Variants in BLOC1S2 observed in about 807,000 individuals in gnomAD.
BLOC1S2 encodes the protein biogenesis of lysosome-related organelles complex 1 subunit 2.
BLOC1S2 carries 12 observed loss-of-function variants against 19.6 expected under a neutral mutation model. That is an observed-to-expected ratio of 0.61 (90% CI 0.39 to 0.99). The LOEUF is 0.99. BLOC1S2 is among the 50% of genes least tolerant of loss of function. BLOC1S2 has a pLI of 0.00. For missense variants in BLOC1S2, 142 were observed against 171.0 expected (o/e 0.83, Z 0.95); for synonymous variants, 66 against 64.1 (o/e 1.03, Z -0.14).
chr10:100,283,843 C>T (rs888896714), intron 2 of BLOC1S2, among the ~76,000 whole-genome samples: 1 of 152,164 alleles, frequency 6.6e-6, no homozygotes, highest in Non-Finnish European at 1.5e-5. Context: ...CCACTGCATT[C>T]CAGCCTGGGC....
At chr10:100,276,887 C>CG (rs1428344096) in intron 4 of BLOC1S2, among the ~76,000 whole-genome samples, 1 of 148,452 alleles carries the variant, frequency 6.7e-6, no homozygotes, top group Non-Finnish European at 1.5e-5. Flanking sequence ...CTTGGCCCCC[C>CG]CAAAGTGCGG....
rs551242337 is a variant in BLOC1S2, at chr10:100,274,970, C to T, written c.*492G>A. On this transcript the variant is annotated 3_prime_UTR_variant, in exon 5 of 5. Coordinates refer to ENST00000370372, the MANE Select transcript of BLOC1S2 (RefSeq NM_173809.5). ...GCAATATTATGGAAAAGTAAGTTAC[C>T]GACATTCACAAGGTGATAAGCTGCA... The T allele has an allele frequency of 5.8e-5, 23 of 398,724 alleles. No homozygotes were observed. The highest frequency in any genetic ancestry group is 6.3e-4 in the Middle Eastern group (1 of 1,588). The allele number at this position is 398,724 out of a possible 1,614,324, so 24.7% of individuals were successfully genotyped here.
intron 4 of BLOC1S2, among the ~76,000 whole-genome samples, chr10:100,277,670 C>CCCCGCCCG: frequency 7.0e-6 from 1 of 142,794 alleles, no homozygotes. Context: ...GGCTCAGCCC[C>CCCCGCCCG]CCCGCCCGGC....
Position 100,284,376 on chromosome 10 carries a change from A to C in BLOC1S2, c.172+1721T>G, listed in dbSNP as rs115581795. Reference sequence around the variant, plus strand: ...AATAAACAAACAAATAATCAGGCTGATAACTTACAGAGTCACAGCTGGGTG... The same window carrying C: ...AATAAACAAACAAATAATCAGGCTGCTAACTTACAGAGTCACAGCTGGGTG... On this transcript the variant is annotated intron_variant, in intron 2 of 4. Coordinates refer to ENST00000370372, the MANE Select transcript of BLOC1S2 (RefSeq NM_173809.5). 3.6e-3 allele frequency among the ~76,000 whole-genome samples: 543 copies of C among 152,342 alleles called. 5 individuals are homozygous for C. Among genetic ancestry groups the C allele is most frequent in the African/African-American group, 0.012 (484 of 41,574 alleles).
chr10:100,280,905 C>T, intron 3 of BLOC1S2, 29 bp downstream of exon 3: 3 of 1,590,850 alleles, frequency 1.9e-6, no homozygotes, highest in Non-Finnish European at 2.6e-6. Context: ...TAAATACAAA[C>T]ATGTTTAATT....
At chr10:100,281,711 T>TACACACACACACACACACACACAC (rs71013439) in intron 2 of BLOC1S2, among the ~76,000 whole-genome samples, 10 of 132,572 alleles carry the variant, frequency 7.5e-5, no homozygotes, top group African/African-American at 2.9e-4. Context: ...TATATACACA[T>TACACACACACACACACACACACAC]ACACACACAC....
At chr10:100,286,547 C>T in intron 1 of BLOC1S2, 58 bp downstream of exon 1, 5 of 1,603,836 alleles carry the variant, frequency 3.1e-6, no homozygotes, top group Non-Finnish European at 4.3e-6. Context: ...ACCTCGCCCA[C>T]CCGAGACGGA....
At chr10:100,277,450 G>C (rs552651361) in intron 4 of BLOC1S2, among the ~76,000 whole-genome samples, 53 of 147,658 alleles carry the variant, frequency 3.6e-4, no homozygotes, top group Non-Finnish European at 6.9e-4. Flanking sequence ...CCGTCCGGGA[G>C]GGAGGTGGGG....
chr10:100,276,919 C>G (rs1051714801), intron 4 of BLOC1S2, among the ~76,000 whole-genome samples: 1 of 152,286 alleles, frequency 6.6e-6, no homozygotes, highest in East Asian at 1.9e-4. Flanking sequence ...TCTGCCTGGC[C>G]GCCACCCCGT....
At position 100,286,616 on chromosome 10, in the gene BLOC1S2, T is replaced by C; in HGVS notation, c.44A>G (p.Glu15Gly). ...AEGVLATRSD[E>G]PARDDAAVET... ...TCCATTCCGGGTACCTCGGGCGGGC[T>C]CATCACTCCGGGTCGCCAGTACGCC... Residue 15 changes from glutamate (E) to glycine (G), a missense_variant, in exon 1 of 5, where the codon GAG becomes GGG. Physicochemically the swap from Glu to Gly is moderately conservative, Grantham distance 98 (BLOSUM62 -2). Transcript: ENST00000370372. 2 of 1,612,592 alleles carry C rather than the reference T, an allele frequency of 1.2e-6. No individual in the cohort carries two copies. The highest frequency in any genetic ancestry group is 1.7e-6 in the Non-Finnish European group (2 of 1,179,312).
Position 100,280,121 on chromosome 10 carries a change from T to A in BLOC1S2, c.397+3A>T, listed in dbSNP as rs1407641533. The A allele has an allele frequency of 1.2e-6, 2 of 1,610,252 alleles. No individual in the cohort carries two copies. The highest frequency in any genetic ancestry group is 3.3e-5 in the Admixed American group (2 of 59,738). On this transcript the variant is annotated splice_donor_region_variant and intron_variant, in intron 4 of 4. Transcript: ENST00000370372. ...ACATCAAAACAGAAGTAAAAACGGT[T>A]ACCCAGTTTTTTTGAATATGCATCC... is the stretch of plus-strand genomic sequence containing the variant.
intron 2 of BLOC1S2, among the ~76,000 whole-genome samples, chr10:100,284,823 A>G (rs556048464): frequency 6.6e-6 from 1 of 152,188 alleles, no homozygotes. Flanking sequence ...TAATAAAAGA[A>G]AAGTAATGAA....
chr10:100,282,954 C>T (rs1848145541), intron 2 of BLOC1S2: 1 of 398,650 alleles, frequency 2.5e-6, no homozygotes, highest in East Asian at 3.6e-5. Context: ...AGCGTCCAAT[C>T]ACACCACTAC....
chr10:100,286,671 C>T lies in BLOC1S2; in HGVS notation c.-12G>A. The T allele has an allele frequency of 2.5e-6, 4 of 1,608,790 alleles. No homozygotes were observed. The highest frequency in any genetic ancestry group is 1.7e-6 in the Non-Finnish European group (2 of 1,177,614). ...GCTGCCGCCGCCATAGCGGACCCCG[C>T]GCTGTTTCCGGGCCGGGGTGCTGCG... On this transcript the variant is annotated 5_prime_UTR_variant, in exon 1 of 5. Transcript: ENST00000370372.
intron 4 of BLOC1S2, among the ~76,000 whole-genome samples, chr10:100,278,973 G>A (rs193025095): frequency 1.0e-3 from 152 of 152,178 alleles, no homozygotes; most frequent in African/African-American, 3.5e-3. Flanking sequence ...TGTAGTCCCA[G>A]GTACTCAGGA....
chr10:100,277,992 C>G (rs1847972201), intron 4 of BLOC1S2, among the ~76,000 whole-genome samples: 1 of 120,402 alleles, frequency 8.3e-6, no homozygotes, highest in Admixed American at 7.6e-5. Context: ...GCCAGCCGCC[C>G]TGTCCGGGAG....
At chr10:100,286,415 C>T (rs2134369057) in intron 1 of BLOC1S2, 190 bp downstream of exon 1, 1 of 1,463,640 alleles carries the variant, frequency 6.8e-7, no homozygotes, top group Non-Finnish European at 9.1e-7. Flanking sequence ...CTCGCCCATA[C>T]CCGGCACCCC....
intron 4 of BLOC1S2, among the ~76,000 whole-genome samples, chr10:100,277,067 C>G (rs35696979): frequency 0.37 from 50,739 of 138,016 alleles, 5,452 homozygotes; most frequent in African/African-American, 0.39. Flanking sequence ...GGAGCGCCTC[C>G]TCCCGGCCGC....
intron 4 of BLOC1S2, 50 bp from the exon 5 acceptor site, chr10:100,275,543 G>C: frequency 6.5e-7 from 1 of 1,542,730 alleles, no homozygotes; most frequent in Non-Finnish European, 8.8e-7. Flanking sequence ...CTCTTACAAA[G>C]ACAGTTTTTA....
Sources: allele counts gnomAD v4.1 joint callset (sites outside exome capture counted in the v4.1 genomes callset), GRCh38; gene constraint gnomAD v4.1.1; transcripts MANE v1.5; gene names NCBI Gene and HGNC (gene_info 2026-07-23, HGNC 2026-07-21).